Variants in SLC2A7 observed in about 807,000 individuals in gnomAD.
SLC2A7 encodes the protein solute carrier family 2, facilitated glucose transporter member 7.
Under a neutral mutation model 50.5 loss-of-function variants are expected in SLC2A7, and 50 were observed. The ratio of observed to expected loss-of-function variants is 0.99; its 90% CI spans 0.79 to 1.25. SLC2A7 has a LOEUF of 1.25. Ranked by LOEUF, SLC2A7 falls within the 50% of genes most tolerant of loss-of-function variation. SLC2A7 has a pLI of 0.00. For synonymous variants in SLC2A7, 308 were observed against 300.4 expected, an observed-to-expected ratio of 1.03 and a Z score of -0.26; for missense variants, 683 against 679.1, an observed-to-expected ratio of 1.01 and a Z score of -0.06.
At chr1:9,017,448 A>T (rs992804229) in intron 5 of SLC2A7, among the ~76,000 whole-genome samples, 1 of 152,198 alleles carries the variant, frequency 6.6e-6, no homozygotes, top group African/African-American at 2.4e-5. Flanking sequence ...CACACCCAGA[A>T]GGAAGGCTGT....
chr1:9,014,551 A>G, intron 7 of SLC2A7, 130 bp downstream of exon 7: 4 of 1,117,990 alleles, frequency 3.6e-6, no homozygotes, highest in Non-Finnish European at 5.0e-6. Context: ...TCTTCCTGAC[A>G]TCTGGCTCTG....
downstream of SLC2A7, among the ~76,000 whole-genome samples, chr1:9,000,567 C>T (rs111458600): frequency 4.0e-5 from 6 of 149,216 alleles, no homozygotes; most frequent in African/African-American, 1.5e-4. Flanking sequence ...TGCAGTGAGC[C>T]GAGATTGTGC....
Position 9,013,512 on chromosome 1 carries a change from C to T in SLC2A7, c.1014+13G>A, listed in dbSNP as rs376547331. The T allele has an allele frequency of 9.3e-6, 15 of 1,610,978 alleles. No homozygotes were observed. Among genetic ancestry groups the T allele is most frequent in the Admixed American group, 6.7e-5 (4 of 59,972 alleles). ...AGACCCTCCAGCAGGAAGGATGCCT[C>T]CTGCTCACTCACCGAGGTGATGGTC... On this transcript the variant is annotated intron_variant, in intron 8 of 11. Transcript: ENST00000400906.
chr1:9,013,083 G>A (rs540573230), intron 8 of SLC2A7, among the ~76,000 whole-genome samples: 2 of 152,096 alleles, frequency 1.3e-5, no homozygotes, highest in Non-Finnish European at 2.9e-5. Context: ...ATAGAGATGG[G>A]GTTTCACCAT....
the SLC2A7 span, among the ~76,000 whole-genome samples, chr1:8,994,265 C>A: frequency 2.0e-5 from 3 of 152,214 alleles, no homozygotes; most frequent in Non-Finnish European, 4.4e-5. Flanking sequence ...TTGGCCTGTG[C>A]ATCTTTCCTT....
chr1:8,992,665 A>G, the SLC2A7 span, among the ~76,000 whole-genome samples: 1 of 152,220 alleles, frequency 6.6e-6, no homozygotes, highest in Non-Finnish European at 1.5e-5. Context: ...TTAGCAACAC[A>G]GGGAACCCAT....
downstream of SLC2A7, among the ~76,000 whole-genome samples, chr1:8,999,231 C>T (rs1196876962): frequency 2.6e-5 from 4 of 152,070 alleles, no homozygotes; most frequent in Non-Finnish European, 5.9e-5. Context: ...AGGCTGGTCT[C>T]GAACTCCTGA....
At position 9,022,937 on chromosome 1, in the gene SLC2A7, G is replaced by A. The variant is rs753158706; in HGVS notation, c.292C>T (p.Leu98=). 9 of 1,614,026 alleles carry A rather than the reference G, an allele frequency of 5.6e-6. No individual in the cohort carries two copies. The highest frequency in any genetic ancestry group is 2.7e-5 in the African/African-American group (2 of 75,020). The change falls in exon 3 of 12, where the codon CTG becomes TTG. Residue 98 remains leucine (L), a synonymous_variant. Coordinates refer to ENST00000400906, the MANE Select transcript of SLC2A7 (RefSeq NM_207420.3). ...GLLGSLLVGL[L]VDSCGRKGTL... ...GTTTACCTGCCGCAGCTATCAACCAGCAGGCCCACGAGCAATGACCCCAAC... is the reference window on the plus strand; with the variant it reads ...GTTTACCTGCCGCAGCTATCAACCAACAGGCCCACGAGCAATGACCCCAAC...
chr1:9,024,467 C>T (rs1270417150), intron 2 of SLC2A7, among the ~76,000 whole-genome samples: 2 of 152,228 alleles, frequency 1.3e-5, no homozygotes, highest in African/African-American at 4.8e-5. Flanking sequence ...GTAGTCAGTT[C>T]TCAGTCCTCA....
intron 5 of SLC2A7, 68 bp from the exon 6 acceptor site, chr1:9,015,310 G>C (rs12410702): frequency 0.1 from 151,892 of 1,479,762 alleles, 8,339 homozygotes; most frequent in Admixed American, 0.16. Context: ...CACTGTGCTC[G>C]GAAGGTCACG....
intron 10 of SLC2A7, among the ~76,000 whole-genome samples, chr1:9,006,397 G>A (rs749682117): frequency 6.6e-6 from 1 of 152,062 alleles, no homozygotes; most frequent in Non-Finnish European, 1.5e-5. Flanking sequence ...ACAGGCGCCC[G>A]CCAACACACC....
chr1:9,015,246 C>T lies in SLC2A7; in HGVS notation c.590-4G>A, dbSNP rs1299823302. Reference sequence around the variant, plus strand: ...AGCGCCAGAAGCACCGGCCAGCCTGCAAGGAGCCAAGGACTCAGGATCCCG... The same window carrying T: ...AGCGCCAGAAGCACCGGCCAGCCTGTAAGGAGCCAAGGACTCAGGATCCCG... On this transcript the variant is annotated splice_region_variant and splice_polypyrimidine_tract_variant and intron_variant, in intron 5 of 11. Coordinates refer to ENST00000400906, the MANE Select transcript of SLC2A7 (RefSeq NM_207420.3). 8 of 1,583,552 alleles carry T rather than the reference C, an allele frequency of 5.1e-6. No individual in the cohort carries two copies. Among genetic ancestry groups the T allele is most frequent in the African/African-American group, 1.3e-5 (1 of 74,572 alleles).
the SLC2A7 span, among the ~76,000 whole-genome samples, chr1:8,993,210 GGT>G: frequency 1.3e-5 from 2 of 152,304 alleles, no homozygotes; most frequent in Middle Eastern, 3.4e-3. Flanking sequence ...AAAACCATCA[GGT>G]CTCATGAGAC....
intron 2 of SLC2A7, 32 bp downstream of exon 2, chr1:9,024,944 C>T: frequency 6.3e-7 from 1 of 1,580,226 alleles, no homozygotes; most frequent in Non-Finnish European, 8.6e-7. Context: ...TCAGCTGCTG[C>T]CCGGCCCACC....
intron 6 of SLC2A7, 40 bp downstream of exon 6, chr1:9,015,077 G>A: frequency 6.2e-7 from 1 of 1,610,016 alleles, no homozygotes; most frequent in Non-Finnish European, 8.5e-7. Flanking sequence ...CTGGCCCCCG[G>A]GGTGGGCAGG....
At chr1:9,011,230 G>T (rs1640744339) in intron 8 of SLC2A7, among the ~76,000 whole-genome samples, 1 of 152,212 alleles carries the variant, frequency 6.6e-6, no homozygotes, top group Non-Finnish European at 1.5e-5. Flanking sequence ...GGGCTTCCCC[G>T]CAGGCCCGGA....
intron 8 of SLC2A7, among the ~76,000 whole-genome samples, chr1:9,012,411 T>TGGGGATGGG (rs1163241314): frequency 6.6e-6 from 1 of 152,112 alleles, no homozygotes; most frequent in Non-Finnish European, 1.5e-5. Flanking sequence ...AGGGGAAAAC[T>TGGGGATGGG]GGGGATGGGG....
intron 2 of SLC2A7, among the ~76,000 whole-genome samples, chr1:9,023,658 G>A (rs1037442389): frequency 2.0e-5 from 3 of 151,662 alleles, no homozygotes; most frequent in Non-Finnish European, 4.4e-5. Flanking sequence ...TGTAATCCTG[G>A]CACTTTGGGA....
At chr1:9,021,443 C>A (rs1640911671) in intron 3 of SLC2A7, among the ~76,000 whole-genome samples, 1 of 152,188 alleles carries the variant, frequency 6.6e-6, no homozygotes, top group African/African-American at 2.4e-5. Context: ...ACACTTTGCA[C>A]ACATCTTTGA....
Sources: gnomAD v4.1 joint callset for allele counts (sites outside exome capture counted in the v4.1 genomes callset) on GRCh38, gnomAD v4.1.1 for gene constraint, MANE v1.5 for transcripts, NCBI Gene and HGNC (gene_info 2026-07-23, HGNC 2026-07-21) for gene names.